Variants in LNX1 observed in about 807,000 individuals in gnomAD.
LNX1 encodes E3 ubiquitin-protein ligase LNX.
Under a neutral mutation model 68.4 loss-of-function variants are expected in LNX1, and 54 were observed. The ratio of observed to expected loss-of-function variants is 0.79; its 90% CI spans 0.63 to 0.99. The LOEUF (loss-of-function observed/expected upper bound fraction) is 0.99, where lower values mean the gene tolerates loss of function less well. Among genes scored for constraint, LNX1 ranks in the 50% least tolerant of loss-of-function variants. The pLI is 0.00. For synonymous variants in LNX1, 336 were observed against 350.0 expected, an observed-to-expected ratio of 0.96 and a Z score of 0.45; for missense variants, 906 against 926.4, an observed-to-expected ratio of 0.98 and a Z score of 0.29.
At chr4:53,501,199 T>C (rs1323303362) in intron 4 of LNX1, among the ~76,000 whole-genome samples, 4 of 152,090 alleles carry the variant, frequency 2.6e-5, no homozygotes, top group Non-Finnish European at 5.9e-5. Context: ...GAGTTTGTTA[T>C]ATGCTGACAT....
intron 1 of LNX1, among the ~76,000 whole-genome samples, chr4:53,640,975 C>G (rs929907803): frequency 2.0e-5 from 3 of 152,142 alleles, no homozygotes; most frequent in African/African-American, 7.2e-5. Context: ...GAGGCCTGGC[C>G]GTTGTTTGGG....
upstream of LNX1, among the ~76,000 whole-genome samples, chr4:53,595,050 G>A (rs1222889737): frequency 6.6e-6 from 1 of 152,182 alleles, no homozygotes; most frequent in Non-Finnish European, 1.5e-5. Context: ...ACAGAGAAGA[G>A]GGCTGATCAG....
intron 1 of LNX1, among the ~76,000 whole-genome samples, chr4:53,650,018 A>G (rs1159095350): frequency 6.6e-6 from 1 of 152,212 alleles, no homozygotes; most frequent in African/African-American, 2.4e-5. Context: ...TTCACCCTGG[A>G]AATGTTTTTA....
chr4:53,521,523 C>A (rs1446988953), intron 2 of LNX1, among the ~76,000 whole-genome samples: 1 of 152,120 alleles, frequency 6.6e-6, no homozygotes, highest in Non-Finnish European at 1.5e-5. Context: ...ACGTGTCATG[C>A]AAAGATAGCT....
chr4:53,460,963 C>G lies in LNX1; in HGVS notation c.2131G>C (p.Glu711Gln). 2 of 1,610,302 alleles carry G rather than the reference C, an allele frequency of 1.2e-6. No individual in the cohort carries two copies. The highest frequency in any genetic ancestry group is 1.7e-6 in the Non-Finnish European group (2 of 1,178,336). Residue 711 changes from glutamate to glutamine, a missense_variant, in exon 11 of 11, where the codon GAA becomes CAA. Transcript: ENST00000263925. ...IHACLARLLK[E>Q]LKGRITLTIV... ...GTTAGAGTAATTCTTCCTTTAAGTT[C>G]TTTCAGCAGTCTTGCCAAGCAAGCA...
At chr4:53,606,263 C>A (rs1286953020) in intron 2 of LNX1, among the ~76,000 whole-genome samples, 3 of 151,674 alleles carry the variant, frequency 2.0e-5, no homozygotes, top group Admixed American at 2.0e-4. Context: ...TATCACTGAC[C>A]CCACAGAAAT....
chr4:53,465,803 ACCCT>A (rs1290206623), intron 9 of LNX1, among the ~76,000 whole-genome samples: 1 of 152,112 alleles, frequency 6.6e-6, no homozygotes, highest in Non-Finnish European at 1.5e-5. Context: ...GAAACATAGT[ACCCT>A]TTTTACCACA....
chr4:53,596,639 T>G (rs1356128172), intron 2 of LNX1, among the ~76,000 whole-genome samples: 1 of 152,226 alleles, frequency 6.6e-6, no homozygotes, highest in Admixed American at 6.5e-5. Context: ...GTCTTTGTTC[T>G]TTCTTGGATC....
At chr4:53,474,799 C>A (rs1158701646) in intron 9 of LNX1, among the ~76,000 whole-genome samples, 4 of 151,516 alleles carry the variant, frequency 2.6e-5, no homozygotes, top group Non-Finnish European at 5.9e-5. Context: ...CAGAGTCTCT[C>A]TCTGTCACCC....
chr4:53,482,153 G>A (rs1434365412), intron 6 of LNX1, among the ~76,000 whole-genome samples: 1 of 152,110 alleles, frequency 6.6e-6, no homozygotes, highest in African/African-American at 2.4e-5. Flanking sequence ...TTAATTAATG[G>A]TTGTACCACA....
intron 2 of LNX1, among the ~76,000 whole-genome samples, chr4:53,528,212 A>C (rs1459212929): frequency 6.6e-6 from 1 of 152,238 alleles, no homozygotes; most frequent in Admixed American, 6.5e-5. Context: ...CAGAGATGAC[A>C]GCCAAAATAT....
intron 1 of LNX1, chr4:53,576,286 G>C: frequency 6.2e-7 from 1 of 1,612,846 alleles, no homozygotes; most frequent in South Asian, 1.1e-5. Flanking sequence ...CCGCTTCGAG[G>C]TCCCCATAGC....
intron 1 of LNX1, chr4:53,579,393 C>T (rs569266820): frequency 2.7e-5 from 11 of 404,972 alleles, no homozygotes; most frequent in African/African-American, 4.4e-5. Flanking sequence ...GAGCCAAAAC[C>T]CCCAATCTAG....
At chr4:53,477,465 TAAAG>T (rs1240965086) in intron 8 of LNX1, among the ~76,000 whole-genome samples, 2 of 152,178 alleles carry the variant, frequency 1.3e-5, no homozygotes, top group South Asian at 2.1e-4. Context: ...GCTGCACTCT[TAAAG>T]AAGCAGAAAG....
chr4:53,466,788 G>A (rs1234709681), intron 9 of LNX1, among the ~76,000 whole-genome samples: 8 of 152,184 alleles, frequency 5.3e-5, no homozygotes, highest in East Asian at 1.9e-4. Flanking sequence ...GGGGAGGGGC[G>A]CCCGCCATTG....
upstream of LNX1, among the ~76,000 whole-genome samples, chr4:53,593,496 G>C (rs1251880433): frequency 6.6e-6 from 1 of 152,168 alleles, no homozygotes; most frequent in South Asian, 2.1e-4. Flanking sequence ...GTGATGAATT[G>C]TTGTAAAACA....
chr4:53,634,979 C>T (rs1734415641), intron 1 of LNX1, among the ~76,000 whole-genome samples: 1 of 151,742 alleles, frequency 6.6e-6, no homozygotes, highest in Non-Finnish European at 1.5e-5. Context: ...GTGCACACTA[C>T]CATATACAGC....
At chr4:53,626,349 A>G (rs141341676) in intron 1 of LNX1, among the ~76,000 whole-genome samples, 336 of 152,334 alleles carry the variant, frequency 2.2e-3, no homozygotes, top group African/African-American at 8.0e-3. Flanking sequence ...TATAATAAAT[A>G]TACTACAAAA....
intron 9 of LNX1, among the ~76,000 whole-genome samples, chr4:53,470,529 A>G (rs1450097736): frequency 6.6e-6 from 1 of 152,224 alleles, no homozygotes; most frequent in Non-Finnish European, 1.5e-5. Context: ...GCATTCAATT[A>G]GGAAAAGAGG....
Sources: gnomAD v4.1 joint callset for allele counts (sites outside exome capture counted in the v4.1 genomes callset) on GRCh38, gnomAD v4.1.1 for gene constraint, MANE v1.5 for transcripts, NCBI Gene and HGNC (gene_info 2026-07-23, HGNC 2026-07-21) for gene names.